Variants in HEATR1 observed in about 807,000 individuals in gnomAD.
HEATR1 encodes HEAT repeat-containing protein 1.
Under a neutral mutation model 248.2 loss-of-function variants are expected in HEATR1, and 77 were observed. That is an observed-to-expected ratio of 0.31 (90% CI 0.26 to 0.37). The LOEUF (loss-of-function observed/expected upper bound fraction) is 0.37. Ranked by LOEUF, HEATR1 falls within the 10% of genes least tolerant of loss-of-function variation. The pLI is 1.00. For missense variants in HEATR1, 2,420 were observed against 2,504.9 expected (o/e 0.97, Z 0.72); for synonymous variants, 897 against 923.1 (o/e 0.97, Z 0.51).
intron 32 of HEATR1, among the ~76,000 whole-genome samples, chr1:236,561,619 C>A (rs1663136470): frequency 6.6e-6 from 1 of 152,174 alleles, no homozygotes; most frequent in South Asian, 2.1e-4. Context: ...CAGCTGGAAT[C>A]CCCCAAGTAC....
At chr1:236,592,421 C>A in intron 10 of HEATR1, 102 bp downstream of exon 10, 1 of 627,920 alleles carries the variant, frequency 1.6e-6, no homozygotes, top group Middle Eastern at 3.6e-4. Flanking sequence ...TTAAAAAGGA[C>A]AGTCTCTGTA....
At position 236,558,846 on chromosome 1, in the gene HEATR1, T is replaced by C. The variant is rs944342515; in HGVS notation, c.4911+149A>G. 1.2e-5 allele frequency: 9 copies of C among 750,550 alleles called. No individual in the cohort carries two copies. The African/African-American group carries it at 1.6e-4, about 13-fold the overall frequency. 46.5% of individuals were successfully genotyped at this position (750,550 alleles called of 1,614,324 possible). ...ACATATATTCCCGTTAGAATTAACG[T>C]CACATTTTAAAACATGTCATGGTAT... On this transcript the variant is annotated intron_variant, in intron 35 of 44. Coordinates refer to ENST00000366582, the MANE Select transcript of HEATR1 (RefSeq NM_018072.6).
chr1:236,597,740 C>A, intron 5 of HEATR1, 138 bp downstream of exon 5: 1 of 530,962 alleles, frequency 1.9e-6, no homozygotes, highest in Non-Finnish European at 3.2e-6. Flanking sequence ...ACTGCTCCTG[C>A]TTCAAAACAC....
Position 236,597,023 on chromosome 1 carries a change from G to T in HEATR1, c.604-47C>A, listed in dbSNP as rs771837069. On this transcript the variant is annotated intron_variant, in intron 5 of 44. Coordinates refer to ENST00000366582, the MANE Select transcript of HEATR1 (RefSeq NM_018072.6). ...AAACACATTTAACAGTGAAAGGGAG[G>T]TAGAAGGATTGCTTGAGGCCAGGAG... is the stretch of plus-strand genomic sequence containing the variant. 7 of 1,579,158 alleles carry T rather than the reference G, an allele frequency of 4.4e-6. No homozygotes were observed. In the Admixed American group the frequency reaches 1.2e-4, roughly 28 times the overall value.
At chr1:236,591,674 G>C (rs534483590) in intron 11 of HEATR1, among the ~76,000 whole-genome samples, 1 of 152,250 alleles carries the variant, frequency 6.6e-6, no homozygotes, top group South Asian at 2.1e-4. Context: ...AGACCTAGAT[G>C]AAAGACAGAG....
At chr1:236,573,616 T>C (rs74145925) in intron 24 of HEATR1, among the ~76,000 whole-genome samples, 10,269 of 152,056 alleles carry the variant, frequency 0.068, 516 homozygotes, top group East Asian at 0.14. Flanking sequence ...GGGATGAAAG[T>C]GCATGACATT....
chr1:236,553,998 G>C lies in HEATR1; in HGVS notation c.6079-259C>G, dbSNP rs192648082. Among the ~76,000 whole-genome samples the C allele has an allele frequency of 2.4e-4, 36 of 152,286 alleles. No homozygotes were observed. The East Asian group carries it at 4.6e-3, about 20-fold the overall frequency. On this transcript the variant is annotated intron_variant, in intron 42 of 44. Coordinates refer to ENST00000366582, the MANE Select transcript of HEATR1 (RefSeq NM_018072.6). ...TTGCTCCAGAGGACAGCCATGCTCT[G>C]ACGCGTTCTCAGTGAGGCCCAGTTA...
At chr1:236,589,576 G>A (rs1442073132) in intron 12 of HEATR1, among the ~76,000 whole-genome samples, 1 of 152,152 alleles carries the variant, frequency 6.6e-6, no homozygotes, top group Admixed American at 6.5e-5. Flanking sequence ...AACTTAGTGT[G>A]ATTAGTTGTA....
Position 236,561,290 on chromosome 1 carries a change from G to A in HEATR1, c.4600-19C>T, listed in dbSNP as rs370575789. On this transcript the variant is annotated intron_variant, in intron 32 of 44. Transcript: ENST00000366582. ...CAACTACCTAATTTTTAAAGAAGACGTCATTAGAACGGTAGGGAAGTCAAT... is the reference window on the plus strand; with the variant it reads ...CAACTACCTAATTTTTAAAGAAGACATCATTAGAACGGTAGGGAAGTCAAT... The A allele has an allele frequency of 2.8e-5, 45 of 1,599,738 alleles. No homozygotes were observed. Among genetic ancestry groups the A allele is most frequent in the Admixed American group, 1.0e-4 (6 of 59,922 alleles).
At chr1:236,603,660 C>CT (rs969578478) in intron 2 of HEATR1, among the ~76,000 whole-genome samples, 1 of 149,598 alleles carries the variant, frequency 6.7e-6, no homozygotes, top group Non-Finnish European at 1.5e-5. Context: ...ACTTCTCCGT[C>CT]ACCCCAGTCA....
intron 6 of HEATR1, among the ~76,000 whole-genome samples, chr1:236,596,433 C>T (rs1413976459): frequency 1.3e-5 from 2 of 152,310 alleles, no homozygotes; most frequent in East Asian, 3.9e-4. Context: ...GCAGTACCTC[C>T]ACAGGGCACC....
At chr1:236,602,042 G>C (rs1270922786) in intron 3 of HEATR1, among the ~76,000 whole-genome samples, 1 of 152,040 alleles carries the variant, frequency 6.6e-6, no homozygotes, top group African/African-American at 2.4e-5. Context: ...GGGAGGCTGA[G>C]GCAGGAGAAT....
In HEATR1 at chr1:236,551,098, CA is replaced by C. The variant is rs1165903478; in HGVS notation, c.6347-109del. The C allele has an allele frequency of 2.4e-5, 20 of 849,588 alleles. No individual in the cohort carries two copies. The Admixed American group carries it at 4.4e-4, about 19-fold the overall frequency. 52.6% of individuals were successfully genotyped at this position (849,588 alleles called of 1,614,324 possible). A position where few individuals can be genotyped will look rare whatever the true frequency, so the allele number is the denominator to read the frequency against. On this transcript the variant is annotated intron_variant, in intron 44 of 44. Coordinates refer to ENST00000366582, the MANE Select transcript of HEATR1 (RefSeq NM_018072.6). ...TTGCACTTTCCGGCAATCATTCAAT[CA>C]AAAGAGTGAAATGAAGCACATTAAC...
chr1:236,557,497 T>A, intron 36 of HEATR1, 152 bp from the exon 37 acceptor site: 1 of 731,314 alleles, frequency 1.4e-6, no homozygotes, highest in Non-Finnish European at 2.2e-6. Flanking sequence ...ACATTTTATG[T>A]GGCTAAGCAC....
At chr1:236,554,469 T>C (rs1662883151) in intron 42 of HEATR1, 129 bp downstream of exon 42, 1 of 780,810 alleles carries the variant, frequency 1.3e-6, no homozygotes, top group Non-Finnish European at 2.1e-6. Context: ...AACATTTCAT[T>C]AAAAAGACCA....
rs961390759 is a variant in HEATR1 at position 236,574,113 on chromosome 1, A to G, written c.3459+89T>C. The G allele has an allele frequency of 3.7e-5, 42 of 1,142,738 alleles. No individual in the cohort carries two copies. The African/African-American group carries it at 6.4e-4, about 18-fold the overall frequency. The allele number at this position is 1,142,738 out of a possible 1,614,324, so 70.8% of individuals were successfully genotyped here. On this transcript the variant is annotated intron_variant, in intron 24 of 44. Transcript: ENST00000366582. ...TGGTAACATCTGACCTCTTACAAGC[A>G]CTATAAAATACAGGACTCTTAAACA...
At chr1:236,591,839 A>G (rs1395484362) in intron 11 of HEATR1, among the ~76,000 whole-genome samples, 154 bp downstream of exon 11, 3 of 152,210 alleles carry the variant, frequency 2.0e-5, no homozygotes, top group Non-Finnish European at 2.9e-5. Flanking sequence ...CCTGCCTCAG[A>G]GCCGTACTTC....
At chr1:236,559,571 G>C in intron 34 of HEATR1, 143 bp downstream of exon 34, 2 of 1,003,598 alleles carry the variant, frequency 2.0e-6, no homozygotes, top group South Asian at 3.9e-5. Flanking sequence ...TAGTCATCAA[G>C]AGATTGTTTT....
chr1:236,574,398 TA>T, intron 23 of HEATR1, 65 bp from the exon 24 acceptor site: 1 of 1,498,706 alleles, frequency 6.7e-7, no homozygotes, highest in Non-Finnish European at 9.0e-7. Flanking sequence ...AAATAATTTT[TA>T]TATCAACCTC....
Sources: allele counts gnomAD v4.1 joint callset (sites outside exome capture counted in the v4.1 genomes callset), GRCh38; gene constraint gnomAD v4.1.1; transcripts MANE v1.5; gene names NCBI Gene and HGNC (gene_info 2026-07-23, HGNC 2026-07-21).